Variants in DPP6 observed in about 807,000 individuals in gnomAD.
DPP6 encodes dipeptidyl peptidase like 6.
Under a neutral mutation model 122.6 loss-of-function variants are expected in DPP6, and 69 were observed. The ratio of observed to expected loss-of-function variants is 0.56; its 90% CI spans 0.46 to 0.69. The LOEUF is 0.69. Ranked by LOEUF, DPP6 falls within the 30% of genes least tolerant of loss-of-function variation. DPP6 has a pLI of 0.00. For missense variants in DPP6, 928 were observed against 1,116.9 expected, an observed-to-expected ratio of 0.83 and a Z score of 2.41; for synonymous variants, 418 against 433.1, an observed-to-expected ratio of 0.97 and a Z score of 0.43.
At chr7:154,559,223 TAA>T (rs200800963) in intron 4 of DPP6, among the ~76,000 whole-genome samples, 21 of 102,312 alleles carry the variant, frequency 2.1e-4, no homozygotes, top group Admixed American at 2.9e-4. Flanking sequence ...TTCCAGAGAT[TAA>T]AAAAAAAAAA....
At chr7:154,400,703 A>G (rs1293438374) in intron 1 of DPP6, among the ~76,000 whole-genome samples, 3 of 152,232 alleles carry the variant, frequency 2.0e-5, no homozygotes, top group Admixed American at 6.5e-5. Flanking sequence ...ACCTTTGGAG[A>G]TAGATATTTG....
chr7:153,918,182 C>T (rs1025065348), intron 1 of DPP6, among the ~76,000 whole-genome samples: 3 of 152,090 alleles, frequency 2.0e-5, no homozygotes, highest in East Asian at 1.9e-4. Flanking sequence ...TAAATGATGG[C>T]GTCTTATTGG....
At chr7:154,105,963 T>G (rs1806134072) in intron 1 of DPP6, among the ~76,000 whole-genome samples, 1 of 149,736 alleles carries the variant, frequency 6.7e-6, no homozygotes, top group South Asian at 2.1e-4. Flanking sequence ...CATCTCACTT[T>G]TGGCCTGTCC....
the DPP6 span, among the ~76,000 whole-genome samples, chr7:153,850,369 T>C: frequency 6.6e-6 from 1 of 152,202 alleles, no homozygotes; most frequent in Non-Finnish European, 1.5e-5. Context: ...GTGGGCTCTC[T>C]GTATGACATT....
At chr7:154,397,616 CACTTCATGCTGTTAAT>C (rs1296104408) in intron 1 of DPP6, among the ~76,000 whole-genome samples, 2 of 152,272 alleles carry the variant, frequency 1.3e-5, no homozygotes, top group Non-Finnish European at 2.9e-5. Flanking sequence ...ATGCTGTTAA[CACTTCATGCTGTTAAT>C]ACTTCATGCT....
chr7:154,499,375 C>T (rs1825029052), intron 3 of DPP6, among the ~76,000 whole-genome samples: 1 of 152,126 alleles, frequency 6.6e-6, no homozygotes, highest in Non-Finnish European at 1.5e-5. Context: ...CAGCCCATTC[C>T]CAAAGAAACT....
chr7:154,209,464 T>A (rs188556164), intron 1 of DPP6, among the ~76,000 whole-genome samples: 83 of 152,152 alleles, frequency 5.5e-4, no homozygotes, highest in African/African-American at 2.0e-3. Flanking sequence ...GTTTTAAATC[T>A]AGTTAACTCT....
chr7:154,767,953 G>T (rs1457645320), intron 8 of DPP6, among the ~76,000 whole-genome samples: 1 of 152,200 alleles, frequency 6.6e-6, no homozygotes, highest in Non-Finnish European at 1.5e-5. Flanking sequence ...GGGGAGCGAG[G>T]CTCAATGAGC....
At chr7:154,425,621 G>GGTGGGT (rs775417561) in intron 1 of DPP6, among the ~76,000 whole-genome samples, 7 of 121,460 alleles carry the variant, frequency 5.8e-5, no homozygotes, top group South Asian at 2.3e-4. Flanking sequence ...TGTGTGTGTG[G>GGTGGGT]GTGTGTGTGT....
intron 1 of DPP6, among the ~76,000 whole-genome samples, chr7:154,406,451 ACACATG>A (rs57939655): frequency 0.051 from 7,755 of 151,048 alleles, 602 homozygotes; most frequent in African/African-American, 0.17. Context: ...ACACACACGC[ACACATG>A]CACATGCACA....
At chr7:154,304,775 G>A (rs1806144112) in intron 1 of DPP6, among the ~76,000 whole-genome samples, 1 of 152,190 alleles carries the variant, frequency 6.6e-6, no homozygotes, top group Admixed American at 6.5e-5. Context: ...GCCTGCCTCC[G>A]GTGCTCCCAG....
intron 4 of DPP6, among the ~76,000 whole-genome samples, chr7:154,560,912 T>G (rs1380146368): frequency 7.9e-5 from 12 of 151,406 alleles, no homozygotes; most frequent in Admixed American, 1.3e-4. Flanking sequence ...GAAATGGATT[T>G]TAAGAGATAT....
chr7:154,434,816 A>G (rs1406192904), intron 1 of DPP6, among the ~76,000 whole-genome samples: 2 of 151,832 alleles, frequency 1.3e-5, no homozygotes, highest in Non-Finnish European at 2.9e-5. Context: ...CCAAGCAGAG[A>G]GAATTTATTT....
At chr7:153,896,286 C>T (rs1368783009) in intron 1 of DPP6, among the ~76,000 whole-genome samples, 2 of 150,292 alleles carry the variant, frequency 1.3e-5, no homozygotes, top group South Asian at 2.1e-4. Flanking sequence ...CAGTCTCATA[C>T]GTTTCATTAC....
At chr7:154,125,136 A>T (rs928361698) in intron 1 of DPP6, among the ~76,000 whole-genome samples, 2 of 152,216 alleles carry the variant, frequency 1.3e-5, no homozygotes, top group African/African-American at 2.4e-5. Flanking sequence ...AAATGTCACT[A>T]GGAGCAGTGC....
the DPP6 span, among the ~76,000 whole-genome samples, chr7:153,840,761 C>T: frequency 1.3e-5 from 2 of 152,276 alleles, no homozygotes; most frequent in East Asian, 1.9e-4. Context: ...AAAAAGACAG[C>T]GGACATTTCT....
chr7:154,552,861 G>A (rs1444667930), intron 4 of DPP6, among the ~76,000 whole-genome samples: 1 of 152,204 alleles, frequency 6.6e-6, no homozygotes, highest in Non-Finnish European at 1.5e-5. Flanking sequence ...TGAAATGTCT[G>A]TATGCAAGAA....
chr7:154,520,875 G>A (rs559615541), intron 3 of DPP6, among the ~76,000 whole-genome samples: 6 of 152,104 alleles, frequency 3.9e-5, no homozygotes, highest in African/African-American at 1.2e-4. Flanking sequence ...TATCAGTAAC[G>A]CAAAATATAA....
intron 1 of DPP6, among the ~76,000 whole-genome samples, chr7:154,162,868 G>T (rs1237952783): frequency 4.6e-5 from 7 of 152,018 alleles, no homozygotes; most frequent in African/African-American, 7.3e-5. Flanking sequence ...TGCTAGTGTT[G>T]TGTGGAACTT....
Sources: allele counts gnomAD v4.1 joint callset (sites outside exome capture counted in the v4.1 genomes callset), GRCh38; gene constraint gnomAD v4.1.1; transcripts MANE v1.5; gene names NCBI Gene and HGNC (gene_info 2026-07-23, HGNC 2026-07-21).